The following ACOT11 variants were observed in gnomAD, a reference collection of about 807,000 sequenced individuals.
ACOT11 encodes acyl-CoA thioesterase 11.
In ACOT11, 69 loss-of-function variants were observed where a neutral mutation model predicts 77.5. That is an observed-to-expected ratio of 0.89 (90% confidence interval 0.73 to 1.09). The LOEUF (loss-of-function observed/expected upper bound fraction) is 1.09. Among genes scored for constraint, ACOT11 ranks in the 50% least tolerant of loss-of-function variants. ACOT11 has a pLI of 0.00. For synonymous variants in ACOT11, 279 were observed against 313.0 expected (o/e 0.89, Z 1.15); for missense variants, 766 against 813.7 (o/e 0.94, Z 0.71).
chr1:54,592,337 C>T (rs1351409781), intron 3 of ACOT11, among the ~76,000 whole-genome samples: 1 of 152,204 alleles, frequency 6.6e-6, no homozygotes. Context: ...CTTCTCTCAG[C>T]CTCAGCTTAA....
At chr1:54,594,530 C>T in intron 5 of ACOT11, 26 bp from the exon 6 acceptor site, 12 of 1,602,140 alleles carry the variant, frequency 7.5e-6, no homozygotes, top group Non-Finnish European at 8.5e-6. Flanking sequence ...CCCTGAGTGT[C>T]CCCCACCCTG....
At chr1:54,549,608 G>T (rs894706223) in intron 1 of ACOT11, among the ~76,000 whole-genome samples, 10 of 152,212 alleles carry the variant, frequency 6.6e-5, no homozygotes, top group Non-Finnish European at 1.0e-4. Context: ...CTCTGTGTTA[G>T]CCCCTTTTCA....
chr1:54,583,588 A>T (rs1294551620), intron 1 of ACOT11, among the ~76,000 whole-genome samples: 2 of 152,172 alleles, frequency 1.3e-5, no homozygotes, highest in Admixed American at 1.3e-4. Flanking sequence ...CTCAGGCTGC[A>T]GCAGACCTCT....
At chr1:54,620,497 G>A (rs1644219218) in intron 15 of ACOT11, among the ~76,000 whole-genome samples, 1 of 152,094 alleles carries the variant, frequency 6.6e-6, no homozygotes, top group Non-Finnish European at 1.5e-5. Flanking sequence ...CCTGAGATTA[G>A]GAGTTCGAGA....
intron 15 of ACOT11, among the ~76,000 whole-genome samples, chr1:54,624,181 G>A (rs1644257554): frequency 6.6e-6 from 1 of 152,152 alleles, no homozygotes; most frequent in Non-Finnish European, 1.5e-5. Context: ...ATTTAAACGA[G>A]TCCAGGAATC....
chr1:54,601,133 G>GCA, intron 8 of ACOT11, 136 bp from the exon 9 acceptor site: 8 of 842,054 alleles, frequency 9.5e-6, no homozygotes, highest in Admixed American at 6.6e-5. Flanking sequence ...GTGTATGTGT[G>GCA]TGCATACGTG....
downstream of ACOT11, among the ~76,000 whole-genome samples, chr1:54,614,459 A>T (rs768474831): frequency 2.6e-5 from 4 of 152,072 alleles, no homozygotes; most frequent in African/African-American, 9.7e-5. Context: ...GCCCAGAGGA[A>T]GTCCTGCAGT....
chr1:54,588,263 C>T (rs979840044), intron 3 of ACOT11, among the ~76,000 whole-genome samples: 1 of 152,116 alleles, frequency 6.6e-6, no homozygotes, highest in East Asian at 1.9e-4. Flanking sequence ...ACCCCACACC[C>T]AGGTGCCCCA....
chr1:54,558,384 C>T (rs568592354), intron 1 of ACOT11, among the ~76,000 whole-genome samples: 3 of 152,216 alleles, frequency 2.0e-5, no homozygotes, highest in South Asian at 4.1e-4. Context: ...TAATTGTGTC[C>T]GTATTAAAGA....
chr1:54,563,854 T>A (rs867841520), intron 1 of ACOT11, among the ~76,000 whole-genome samples: 7 of 152,168 alleles, frequency 4.6e-5, no homozygotes, highest in Middle Eastern at 3.4e-3. Flanking sequence ...TCACTTAAGA[T>A]CATTAGTTCA....
At chr1:54,576,090 G>T (rs1329489583) in intron 1 of ACOT11, among the ~76,000 whole-genome samples, 1 of 152,174 alleles carries the variant, frequency 6.6e-6, no homozygotes, top group Non-Finnish European at 1.5e-5. Flanking sequence ...GTTTTTAAGG[G>T]AATTTGAAGG....
rs557860266 is a variant in ACOT11 at position 54,626,891 on chromosome 1, T to C, written c.1630-3843T>C. On this transcript the variant is annotated intron_variant, in intron 15 of 16. Coordinates refer to the ACOT11 transcript ENST00000371316. ...ATTTATTTTTGAGGCAGAGTCTTGC[T>C]CTGTTGCCCAGGCTGGAGTGCAGTG... is the stretch of plus-strand genomic sequence containing the variant. 2.8e-4 allele frequency among the ~76,000 whole-genome samples: 38 copies of C among 134,712 alleles called. 8 individuals carry two copies. Among genetic ancestry groups the C allele is most frequent in the African/African-American group, 8.1e-4 (32 of 39,662 alleles). 88.4% of individuals were successfully genotyped at this position (134,712 alleles called of 152,430 possible).
intron 15 of ACOT11, chr1:54,615,948 A>T: frequency 1.3e-6 from 2 of 1,513,494 alleles, no homozygotes; most frequent in Admixed American, 1.8e-5. Flanking sequence ...CTTCCCAGTG[A>T]GGGATCTCTG....
At chr1:54,558,921 G>A (rs911419235) in intron 1 of ACOT11, among the ~76,000 whole-genome samples, 3 of 152,204 alleles carry the variant, frequency 2.0e-5, no homozygotes, top group Non-Finnish European at 2.9e-5. Flanking sequence ...CGCACGCTGG[G>A]CTCAGCGACC....
At chr1:54,568,626 A>C (rs1653826020) in intron 1 of ACOT11, among the ~76,000 whole-genome samples, 1 of 152,098 alleles carries the variant, frequency 6.6e-6, no homozygotes, top group African/African-American at 2.4e-5. Flanking sequence ...GGCCTCTGAA[A>C]GTGCTGGGAT....
chr1:54,584,816 C>T lies in ACOT11; in HGVS notation c.195C>T (p.Ser65=), dbSNP rs201412565. The part of the protein sequence containing the change: ...PCHTNQRGEL[S]VGQLLKWIDT... ...ACACCAACCAACGTGGTGAGCTGAGCGTCGGGCAGCTGCTCAAGTGGATTG... is the reference window on the plus strand; with the variant it reads ...ACACCAACCAACGTGGTGAGCTGAGTGTCGGGCAGCTGCTCAAGTGGATTG... Residue 65 remains serine, a synonymous_variant, in exon 2 of 16, where the codon AGC becomes AGT. Coordinates refer to ENST00000343744, the MANE Select transcript of ACOT11 (RefSeq NM_147161.4). The surrounding 1 kb of genome is among the most constrained non-coding windows in gnomAD (Gnocchi z 6.3). 81 of 1,613,894 alleles carry T rather than the reference C, an allele frequency of 5.0e-5. No individual in the cohort carries two copies. Among genetic ancestry groups the T allele is most frequent in the Middle Eastern group, 1.6e-4 (1 of 6,080 alleles).
At chr1:54,562,080 C>T (rs1172946505) in intron 1 of ACOT11, among the ~76,000 whole-genome samples, 2 of 59,320 alleles carry the variant, frequency 3.4e-5, no homozygotes, top group Non-Finnish European at 6.5e-5. Context: ...GGCGGCTGGC[C>T]GGGCGGGGGG....
intron 9 of ACOT11, among the ~76,000 whole-genome samples, chr1:54,602,098 C>T (rs1032789890): frequency 3.9e-5 from 6 of 152,188 alleles, no homozygotes; most frequent in Admixed American, 1.3e-4. Flanking sequence ...CAGCCATAGC[C>T]GCTTCCCAGG....
chr1:54,561,064 C>T (rs1653458289), intron 1 of ACOT11, among the ~76,000 whole-genome samples: 1 of 148,248 alleles, frequency 6.7e-6, no homozygotes, highest in South Asian at 2.2e-4. Context: ...TCGTGCCCAG[C>T]TGCTTGGCTG....
Sources: gnomAD v4.1 joint callset for allele counts (sites outside exome capture counted in the v4.1 genomes callset) on GRCh38, gnomAD v4.1.1 for gene constraint, Gnocchi (gnomAD v3.1) non-coding constraint, MANE v1.5 for transcripts, NCBI Gene and HGNC (gene_info 2026-07-23, HGNC 2026-07-21) for gene names.